Variants in RGL1 observed in about 807,000 individuals in gnomAD.
RGL1 encodes the protein ral guanine nucleotide dissociation stimulator like 1.
Under a neutral mutation model 95.2 loss-of-function variants are expected in RGL1, and 24 were observed. The ratio of observed to expected loss-of-function variants is 0.25; its 90% CI spans 0.18 to 0.35. RGL1 has a LOEUF of 0.35. Ranked by LOEUF, RGL1 falls within the 10% of genes least tolerant of loss-of-function variation. RGL1 has a pLI of 1.00. For missense variants in RGL1, 715 were observed against 936.3 expected (o/e 0.76, Z 3.08); for synonymous variants, 329 against 344.9 (o/e 0.95, Z 0.51).
intron 2 of RGL1, among the ~76,000 whole-genome samples, chr1:183,778,391 G>A (rs909779507): frequency 6.6e-6 from 1 of 152,192 alleles, no homozygotes; most frequent in African/African-American, 2.4e-5. Flanking sequence ...ACAGGAGAGG[G>A]AAGACATAAA....
At chr1:183,757,405 C>T (rs947439057) in intron 2 of RGL1, among the ~76,000 whole-genome samples, 1 of 152,118 alleles carries the variant, frequency 6.6e-6, no homozygotes, top group African/African-American at 2.4e-5. Context: ...TGTGAAAAGC[C>T]AGCTATTTGC....
intron 1 of RGL1, among the ~76,000 whole-genome samples, chr1:183,638,229 A>G (rs571506892): frequency 1.3e-5 from 2 of 152,304 alleles, no homozygotes; most frequent in South Asian, 2.1e-4. Context: ...TCAAGGGTAT[A>G]ATTATTTTGA....
At chr1:183,895,357 A>G (rs1158395219) in intron 9 of RGL1, among the ~76,000 whole-genome samples, 1 of 152,122 alleles carries the variant, frequency 6.6e-6, no homozygotes, top group Non-Finnish European at 1.5e-5. Flanking sequence ...TTATAAAGAA[A>G]AGGTGAGACT....
At chr1:183,877,595 T>C (rs1666577815) in intron 4 of RGL1, among the ~76,000 whole-genome samples, 1 of 152,202 alleles carries the variant, frequency 6.6e-6, no homozygotes. Flanking sequence ...GGGCTCTGCC[T>C]CGTGTTCTAT....
At chr1:183,868,267 A>G (rs1302507446) in intron 4 of RGL1, among the ~76,000 whole-genome samples, 1 of 152,222 alleles carries the variant, frequency 6.6e-6, no homozygotes, top group Non-Finnish European at 1.5e-5. Context: ...GTGGAGCTGA[A>G]GCTAGATTGG....
intron 1 of RGL1, among the ~76,000 whole-genome samples, chr1:183,726,965 A>C (rs1355733913): frequency 6.6e-6 from 1 of 152,170 alleles, no homozygotes; most frequent in East Asian, 1.9e-4. Flanking sequence ...CTATACCACT[A>C]TATGAATTTG....
intron 2 of RGL1, among the ~76,000 whole-genome samples, chr1:183,752,212 T>C (rs1378345768): frequency 6.6e-6 from 1 of 151,420 alleles, no homozygotes; most frequent in Non-Finnish European, 1.5e-5. Flanking sequence ...TTGTCAATTC[T>C]TGGAATTGTC....
intron 9 of RGL1, among the ~76,000 whole-genome samples, chr1:183,895,055 C>T (rs1056485548): frequency 1.3e-5 from 2 of 152,120 alleles, no homozygotes; most frequent in African/African-American, 2.4e-5. Context: ...AGAATTTTTT[C>T]GGTTGACTTT....
chr1:183,639,719 GA>G (rs1307030575), intron 1 of RGL1, among the ~76,000 whole-genome samples: 3 of 149,522 alleles, frequency 2.0e-5, no homozygotes, highest in East Asian at 3.9e-4. Context: ...AAAAATCAGG[GA>G]AAAAAATCTC....
Position 183,847,695 on chromosome 1 carries a change from T to G in RGL1, c.268T>G (p.Phe90Val). ...NLLTAFGDND[F>V]TYISIFLSTY... is the part of the protein sequence containing the mutation. ...GCTGACAGCTTTTGGGGACAATGAC[T>G]TTACCTATATCAGCATCTTTCTTTC... The change falls in exon 3 of 18, where the codon TTT (phenylalanine) becomes GTT (valine). Residue 90 changes from phenylalanine (F) to valine (V), a missense_variant. Phe to Val is a conservative substitution (Grantham distance 50, BLOSUM62 -1). Coordinates refer to ENST00000360851, the MANE Select transcript of RGL1 (RefSeq NM_001297671.3). 1 of 1,614,100 alleles carries G rather than the reference T, an allele frequency of 6.2e-7. No homozygotes were observed. Among genetic ancestry groups the G allele is most frequent in the Non-Finnish European group, 8.5e-7 (1 of 1,179,960 alleles).
chr1:183,852,442 G>A (rs1664879454), intron 3 of RGL1, among the ~76,000 whole-genome samples: 3 of 152,142 alleles, frequency 2.0e-5, no homozygotes, highest in African/African-American at 7.2e-5. Context: ...CCAAGAGAAA[G>A]TTCTTGAATT....
chr1:183,783,657 G>A (rs1660013807), intron 2 of RGL1, among the ~76,000 whole-genome samples: 1 of 152,004 alleles, frequency 6.6e-6, no homozygotes, highest in Non-Finnish European at 1.5e-5. Flanking sequence ...TAAGTAATCA[G>A]ACATGGATCT....
chr1:183,793,177 A>G (rs187166661), intron 2 of RGL1, among the ~76,000 whole-genome samples: 16 of 152,286 alleles, frequency 1.1e-4, no homozygotes, highest in African/African-American at 3.4e-4. Flanking sequence ...CACAAAGAAC[A>G]TACAATGGGG....
At chr1:183,740,211 T>C (rs1052013107) in intron 1 of RGL1, among the ~76,000 whole-genome samples, 6 of 152,224 alleles carry the variant, frequency 3.9e-5, no homozygotes, top group Admixed American at 2.0e-4. Flanking sequence ...TTTATTTCCT[T>C]GCGTGTATGT....
intron 2 of RGL1, among the ~76,000 whole-genome samples, chr1:183,749,613 C>T (rs1242057941): frequency 6.6e-6 from 1 of 152,154 alleles, no homozygotes; most frequent in Non-Finnish European, 1.5e-5. Context: ...ATGATGCTAG[C>T]TGGTAATTTT....
rs1344262004 is a variant in RGL1 at position 183,927,448 on chromosome 1, T to C, written c.*1156T>C. The stretch of plus-strand genomic sequence containing the variant: ...TAACAGCATCCTATTTTACTTACTT[T>C]TATAGCATTACTGTGCCTAGTCGTG... On this transcript the variant is annotated 3_prime_UTR_variant, in exon 18 of 18. Transcript: ENST00000360851. 6.6e-6 allele frequency: 1 copy of C among 152,338 alleles called. No individual in the cohort carries two copies. Among genetic ancestry groups the C allele is most frequent in the Non-Finnish European group, 1.5e-5 (1 of 68,038 alleles). The allele number at this position is 152,338 out of a possible 1,614,324, so 9.4% of individuals were successfully genotyped here.
In RGL1 at chr1:183,669,246, G is replaced by A. The variant is rs190375986; in HGVS notation, c.-33+32745G>A. 1.7e-3 allele frequency among the ~76,000 whole-genome samples: 255 copies of A among 152,216 alleles called. 3 individuals carry two copies. In the South Asian group the frequency reaches 0.017, roughly 10 times the overall value. ...GACATTTTTATTGTTATGTCCCCAA[G>A]CTTGGAGATTCTTTCTTCATCATGT... On this transcript the variant is annotated intron_variant, in intron 1 of 18. Coordinates refer to the RGL1 transcript ENST00000304685.
At chr1:183,715,884 A>T (rs1448345949) in intron 1 of RGL1, among the ~76,000 whole-genome samples, 1 of 152,116 alleles carries the variant, frequency 6.6e-6, no homozygotes, top group African/African-American at 2.4e-5. Flanking sequence ...AGGAGAGCTG[A>T]TGTTGTAGTT....
At chr1:183,766,277 A>C (rs955753793) in intron 2 of RGL1, among the ~76,000 whole-genome samples, 2 of 152,138 alleles carry the variant, frequency 1.3e-5, no homozygotes, top group African/African-American at 4.8e-5. Flanking sequence ...TTTGTTTTCA[A>C]GTACACACAT....
Sources: allele counts gnomAD v4.1 joint callset (sites outside exome capture counted in the v4.1 genomes callset), GRCh38; gene constraint gnomAD v4.1.1; transcripts MANE v1.5; gene names NCBI Gene and HGNC (gene_info 2026-07-23, HGNC 2026-07-21).